CENPP: variants seen among roughly 807,000 people sequenced by gnomAD.
CENPP encodes centromere protein P.
In CENPP, 24 loss-of-function variants were observed where a neutral mutation model predicts 35.6. That is an observed-to-expected ratio of 0.67 (90% CI 0.49 to 0.95). CENPP has a LOEUF of 0.95. CENPP is among the 40% of genes least tolerant of loss of function. The pLI is 0.00. For synonymous variants in CENPP, 120 were observed against 125.5 expected, an observed-to-expected ratio of 0.96 and a Z score of 0.29; for missense variants, 332 against 345.3, an observed-to-expected ratio of 0.96 and a Z score of 0.31.
intron 5 of CENPP, among the ~76,000 whole-genome samples, chr9:92,538,344 A>G (rs1034232843): frequency 2.6e-5 from 4 of 152,232 alleles, no homozygotes; most frequent in African/African-American, 9.6e-5. Context: ...CTTTTGATGT[A>G]TGTAATTTAG....
intron 5 of CENPP, among the ~76,000 whole-genome samples, chr9:92,555,229 T>C (rs1170462662): frequency 8.2e-6 from 1 of 121,902 alleles, no homozygotes; most frequent in African/African-American, 3.1e-5. Flanking sequence ...TTTTTTTTTT[T>C]TTTTTTTTTT....
chr9:92,421,248 C>G (rs926881668), intron 5 of CENPP, among the ~76,000 whole-genome samples: 1 of 152,136 alleles, frequency 6.6e-6, no homozygotes, highest in Non-Finnish European at 1.5e-5. Flanking sequence ...CCATGTTGCT[C>G]AGGCTGGTCA....
At chr9:92,471,857 G>A (rs934516203) in intron 5 of CENPP, among the ~76,000 whole-genome samples, 3 of 151,706 alleles carry the variant, frequency 2.0e-5, no homozygotes, top group Admixed American at 6.6e-5. Flanking sequence ...ACAGCGTTTC[G>A]CCATGTTGGC....
chr9:92,357,227 T>C (rs1363613780), intron 4 of CENPP, among the ~76,000 whole-genome samples: 1 of 151,816 alleles, frequency 6.6e-6, no homozygotes, highest in Non-Finnish European at 1.5e-5. Context: ...TTACTTCTTT[T>C]GCCTTTTTCC....
rs551347966 is a variant in CENPP at position 92,505,424 on chromosome 9, A to G, written c.565-105890A>G. On this transcript the variant is annotated intron_variant, in intron 5 of 7. Transcript: ENST00000375587. ...AATTACAGGAAATTCTGTATACAGCATGAAACTAGAGTTTAATTTACATCA... is the reference window on the plus strand; with the variant it reads ...AATTACAGGAAATTCTGTATACAGCGTGAAACTAGAGTTTAATTTACATCA... 1.7e-4 allele frequency: 172 copies of G among 995,268 alleles called. 1 individual carries two copies. The East Asian group carries it at 4.7e-3, about 27-fold the overall frequency. The allele number at this position is 995,268 out of a possible 1,614,324, so 61.7% of individuals were successfully genotyped here.
intron 5 of CENPP, among the ~76,000 whole-genome samples, chr9:92,542,301 T>G (rs1352252938): frequency 1.3e-5 from 2 of 152,220 alleles, no homozygotes; most frequent in Non-Finnish European, 2.9e-5. Context: ...TATCTCCTTA[T>G]CAGATATATA....
rs931981523 is a variant in CENPP at position 92,618,446 on chromosome 9, C to T, written c.*5297C>T. On this transcript the variant is annotated 3_prime_UTR_variant, in exon 8 of 8. Coordinates refer to ENST00000375587, the MANE Select transcript of CENPP (RefSeq NM_001012267.3). Reference sequence around the variant, plus strand: ...GTGCTAGACGAGGTGAGTAACATGTCTGTCCTTCAGCGGCCTTTCACAGCC... The same window carrying T: ...GTGCTAGACGAGGTGAGTAACATGTTTGTCCTTCAGCGGCCTTTCACAGCC... 1 of 456,600 alleles carries T rather than the reference C, an allele frequency of 2.2e-6. No individual in the cohort carries two copies. The highest frequency in any genetic ancestry group is 4.4e-6 in the Non-Finnish European group (1 of 226,980). The allele number at this position is 456,600 out of a possible 1,614,324, so 28.3% of individuals were successfully genotyped here. A position where few individuals can be genotyped will look rare whatever the true frequency, so the allele number is the denominator to read the frequency against.
chr9:92,445,661 A>G (rs1844534125), intron 5 of CENPP, among the ~76,000 whole-genome samples: 1 of 152,162 alleles, frequency 6.6e-6, no homozygotes, highest in Non-Finnish European at 1.5e-5. Flanking sequence ...AGGTGGGCCA[A>G]TCACCTGAGG....
chr9:92,469,010 T>C (rs1845414691), intron 5 of CENPP, among the ~76,000 whole-genome samples: 1 of 152,206 alleles, frequency 6.6e-6, no homozygotes, highest in Non-Finnish European at 1.5e-5. Context: ...TTAGTTATTA[T>C]TCTTGTGGTT....
At chr9:92,451,414 C>T (rs867636658) in intron 5 of CENPP, among the ~76,000 whole-genome samples, 5,309 of 142,534 alleles carry the variant, frequency 0.037, 116 homozygotes, top group Middle Eastern at 0.065. Context: ...TGTAGATATG[C>T]GGCGTTATTT....
chr9:92,383,424 A>G (rs1172995508), intron 5 of CENPP, among the ~76,000 whole-genome samples: 2 of 152,216 alleles, frequency 1.3e-5, no homozygotes, highest in Non-Finnish European at 2.9e-5. Context: ...CTTACCATCC[A>G]TAAACACAAG....
At chr9:92,353,401 C>T (rs1035179908) in intron 4 of CENPP, among the ~76,000 whole-genome samples, 1 of 152,138 alleles carries the variant, frequency 6.6e-6, no homozygotes, top group African/African-American at 2.4e-5. Context: ...AGGATCTGGG[C>T]CATTTGTAGT....
chr9:92,555,214 A>ATTTTT (rs34701393), intron 5 of CENPP, among the ~76,000 whole-genome samples: 30 of 63,462 alleles, frequency 4.7e-4, no homozygotes, highest in African/African-American at 1.5e-3. Context: ...TTTTTTGGAA[A>ATTTTT]TTTTTTTTTT....
chr9:92,441,412 T>G (rs1844383395), intron 5 of CENPP, among the ~76,000 whole-genome samples: 1 of 151,720 alleles, frequency 6.6e-6, no homozygotes, highest in African/African-American at 2.4e-5. Flanking sequence ...TCAAATAAAA[T>G]GTAAGGAAGA....
At chr9:92,533,317 A>C (rs1271919519) in intron 5 of CENPP, among the ~76,000 whole-genome samples, 17 of 104,788 alleles carry the variant, frequency 1.6e-4, no homozygotes, top group African/African-American at 6.4e-4. Flanking sequence ...AAAAAAAAAA[A>C]AAAAAAAAAA....
At chr9:92,449,437 CAAAAAAAAAAAAAAAAAAAAAAAAAA>C (rs56218626) in intron 5 of CENPP, among the ~76,000 whole-genome samples, 116 of 54,962 alleles carry the variant, frequency 2.1e-3, no homozygotes, top group Non-Finnish European at 3.0e-3. Flanking sequence ...ACTCTATCTC[CAAAAAAAAAAAAAAAAAAAAAAAAAA>C]AAAAAAAAAA....
chr9:92,396,224 C>T lies in CENPP; in HGVS notation c.564+16365C>T, dbSNP rs1338892868. ...ATTTTGTTCTGGTGACCCACTTTAA[C>T]ATTTTTATGCCAATACTGCAGTGTC... On this transcript the variant is annotated intron_variant, in intron 5 of 7. Coordinates refer to ENST00000375587, the MANE Select transcript of CENPP (RefSeq NM_001012267.3). 3.3e-5 allele frequency among the ~76,000 whole-genome samples: 5 copies of T among 152,178 alleles called. No homozygotes were observed. The South Asian group carries it at 8.3e-4, about 25-fold the overall frequency.
chr9:92,438,625 T>C (rs1011192204), intron 5 of CENPP, among the ~76,000 whole-genome samples: 4 of 152,250 alleles, frequency 2.6e-5, no homozygotes, highest in South Asian at 2.1e-4. Flanking sequence ...TTCATAATGA[T>C]TGAGTGCTTA....
chr9:92,579,901 C>T (rs2131365012), intron 5 of CENPP, among the ~76,000 whole-genome samples: 1 of 148,724 alleles, frequency 6.7e-6, no homozygotes, highest in Admixed American at 6.7e-5. Context: ...GGAGTGCTTC[C>T]AGTTTTTGCC....
Sources: allele counts gnomAD v4.1 joint callset (sites outside exome capture counted in the v4.1 genomes callset), GRCh38; gene constraint gnomAD v4.1.1; transcripts MANE v1.5; gene names NCBI Gene and HGNC (gene_info 2026-07-23, HGNC 2026-07-21).